USP46: variants seen among roughly 807,000 people sequenced by gnomAD.
USP46 encodes ubiquitin carboxyl-terminal hydrolase 46.
USP46 carries 12 observed loss-of-function variants against 44.4 expected under a neutral mutation model. The ratio of observed to expected loss-of-function variants is 0.27; its 90% CI spans 0.17 to 0.44. USP46 has a LOEUF of 0.44. USP46 is among the 20% of genes least tolerant of loss of function. USP46 has a pLI of 1.00. For synonymous variants in USP46, 155 were observed against 161.5 expected (o/e 0.96, Z 0.31); for missense variants, 248 against 444.8 (o/e 0.56, Z 3.98).
intron 7 of USP46, among the ~76,000 whole-genome samples, chr4:52,599,658 T>G (rs1443847619): frequency 6.6e-6 from 1 of 152,174 alleles, no homozygotes; most frequent in Non-Finnish European, 1.5e-5. Context: ...TACTATGTAG[T>G]TAGGTTAGAT....
At chr4:52,622,899 G>C (rs565182853) in intron 4 of USP46, among the ~76,000 whole-genome samples, 2 of 152,374 alleles carry the variant, frequency 1.3e-5, no homozygotes, top group East Asian at 3.9e-4. Flanking sequence ...GCTAGAGTAA[G>C]AAACAGAATG....
Position 52,659,238 on chromosome 4 carries a change from G to A in USP46, c.-88C>T, listed in dbSNP as rs1719082529. On this transcript the variant is annotated 5_prime_UTR_variant, in exon 1 of 9. Coordinates refer to ENST00000441222, the MANE Select transcript of USP46 (RefSeq NM_022832.4). This position sits in a 1 kb window ranked among gnomAD's most constrained non-coding sequence, Gnocchi z 4.2. ...TGGTGGCGCGCTGGCGGGGAGGCCG[G>A]GCGGCAGCGCGGCGGCCTGGGGTCC... 7.0e-7 allele frequency: 1 copy of A among 1,427,050 alleles called. No individual in the cohort carries two copies. 88.4% of individuals were successfully genotyped at this position (1,427,050 alleles called of 1,614,324 possible). A position where few individuals can be genotyped will look rare whatever the true frequency, so the allele number is the denominator to read the frequency against.
chr4:52,628,886 A>G (rs549634429), intron 2 of USP46, among the ~76,000 whole-genome samples: 97 of 152,350 alleles, frequency 6.4e-4, no homozygotes, highest in African/African-American at 2.2e-3. Flanking sequence ...ATTAGGGCCC[A>G]CCCAGTAACA....
At chr4:52,614,436 G>C (rs964487087) in intron 4 of USP46, among the ~76,000 whole-genome samples, 2 of 152,136 alleles carry the variant, frequency 1.3e-5, no homozygotes, top group South Asian at 2.1e-4. Flanking sequence ...CAAAGAAAAG[G>C]ACAATAGGAT....
intron 4 of USP46, among the ~76,000 whole-genome samples, chr4:52,619,597 G>C (rs1717302049): frequency 6.6e-6 from 1 of 152,178 alleles, no homozygotes; most frequent in Non-Finnish European, 1.5e-5. Context: ...TTTCCCATTT[G>C]GTCTTCTTGC....
Position 52,630,064 on chromosome 4 carries a change from GT to G in USP46, c.117+999del, listed in dbSNP as rs1036639543. On this transcript the variant is annotated intron_variant, in intron 2 of 8. Coordinates refer to ENST00000441222, the MANE Select transcript of USP46 (RefSeq NM_022832.4). ...AGCATAATTATTCAGAAAACCAATTGTTTTTGAGTTAATATTTGATGTCACT... is the reference window on the plus strand; with the variant it reads ...AGCATAATTATTCAGAAAACCAATTGTTTTGAGTTAATATTTGATGTCACT... 5.1e-4 allele frequency among the ~76,000 whole-genome samples: 77 copies of G among 152,178 alleles called. 1 individual carries two copies. The highest frequency in any genetic ancestry group is 3.9e-4 in the Admixed American group (6 of 15,272).
chr4:52,603,678 T>A (rs1716565718), intron 6 of USP46, among the ~76,000 whole-genome samples: 1 of 152,114 alleles, frequency 6.6e-6, no homozygotes. Context: ...TCTTATCACC[T>A]GTTCTTTTTC....
chr4:52,658,471 A>T (rs986234744), intron 1 of USP46, among the ~76,000 whole-genome samples: 1 of 152,062 alleles, frequency 6.6e-6, no homozygotes, highest in Non-Finnish European at 1.5e-5. Context: ...CCCCACCCTT[A>T]GGGCCTGCAA....
At chr4:52,620,877 C>T (rs1276413970) in intron 4 of USP46, among the ~76,000 whole-genome samples, 1 of 152,196 alleles carries the variant, frequency 6.6e-6, no homozygotes, top group Non-Finnish European at 1.5e-5. Context: ...AAATATCCAA[C>T]AACAGTAAAA....
intron 1 of USP46, among the ~76,000 whole-genome samples, chr4:52,641,334 A>G (rs575310481): frequency 3.3e-5 from 5 of 152,304 alleles, no homozygotes; most frequent in Admixed American, 2.6e-4. Flanking sequence ...TAAAAATAGC[A>G]TCTGAGCTGG....
chr4:52,646,539 G>A (rs918779635), intron 1 of USP46, among the ~76,000 whole-genome samples: 19 of 152,202 alleles, frequency 1.2e-4, no homozygotes, highest in African/African-American at 4.1e-4. Context: ...TGAATGGATA[G>A]AGTAATTTTG....
rs1476729519 is a variant in USP46 at position 52,596,273 on chromosome 4, T to G, written c.*1367A>C. 1.3e-5 allele frequency: 2 copies of G among 152,660 alleles called. No individual in the cohort carries two copies. Among genetic ancestry groups the G allele is most frequent in the Admixed American group, 6.5e-5 (1 of 15,282 alleles). 9.5% of individuals were successfully genotyped at this position (152,660 alleles called of 1,614,324 possible). On this transcript the variant is annotated 3_prime_UTR_variant, in exon 9 of 9. Transcript: ENST00000441222. ...TTAGGTAACAAAAATATGTTCACAG[T>G]TTATTATAGTGTATGGAAGTTAAGT...
At position 52,659,235 on chromosome 4, in the gene USP46, CCGGGCGGCAGCG is replaced by C; in HGVS notation, c.-97_-86del. 1 of 1,417,132 alleles carries C rather than the reference CCGGGCGGCAGCG, an allele frequency of 7.1e-7. No individual in the cohort carries two copies. Among genetic ancestry groups the C allele is most frequent in the Admixed American group, 2.6e-5 (1 of 38,228 alleles). The allele number at this position is 1,417,132 out of a possible 1,614,324, so 87.8% of individuals were successfully genotyped here. A position where few individuals can be genotyped will look rare whatever the true frequency, so the allele number is the denominator to read the frequency against. Reference sequence around the variant, plus strand: ...CCATGGTGGCGCGCTGGCGGGGAGGCCGGGCGGCAGCGCGGCGGCCTGGGGTCCGGCTTTCAG... The same window carrying C: ...CCATGGTGGCGCGCTGGCGGGGAGGCCGGCGGCCTGGGGTCCGGCTTTCAG... On this transcript the variant is annotated 5_prime_UTR_variant, in exon 1 of 9. Coordinates refer to ENST00000441222, the MANE Select transcript of USP46 (RefSeq NM_022832.4). The surrounding 1 kb of genome is among the most constrained non-coding windows in gnomAD (Gnocchi z 4.2).
chr4:52,632,914 G>GAA (rs1380043703), intron 1 of USP46, among the ~76,000 whole-genome samples: 61 of 81,188 alleles, frequency 7.5e-4, no homozygotes, highest in African/African-American at 2.8e-3. Flanking sequence ...GAGAAAGAAA[G>GAA]AAAGAGAAAG....
intron 5 of USP46, among the ~76,000 whole-genome samples, chr4:52,609,673 G>A (rs1045513182): frequency 6.6e-6 from 1 of 152,064 alleles, no homozygotes; most frequent in Non-Finnish European, 1.5e-5. Flanking sequence ...TAGGTGTGAT[G>A]TAAAACAGGG....
chr4:52,632,627 G>A (rs1405890824), intron 1 of USP46, among the ~76,000 whole-genome samples: 1 of 152,048 alleles, frequency 6.6e-6, no homozygotes, highest in Non-Finnish European at 1.5e-5. Flanking sequence ...TTCGAGACCA[G>A]CCTGGGCAAC....
intron 2 of USP46, chr4:52,629,762 G>A (rs185609921): frequency 1.5e-4 from 67 of 456,020 alleles, no homozygotes; most frequent in African/African-American, 5.8e-4. Flanking sequence ...TTAAATAGGC[G>A]CTCTCATTTA....
At position 52,609,898 on chromosome 4, in the gene USP46, C is replaced by CTTTTTTTTTTTTTTTT. The variant is rs66817554; in HGVS notation, c.638+627_638+642dup. Among the ~76,000 whole-genome samples, 10 of 24,588 alleles carry CTTTTTTTTTTTTTTTT rather than the reference C, an allele frequency of 4.1e-4. 3 individuals carry two copies. Among genetic ancestry groups the CTTTTTTTTTTTTTTTT allele is most frequent in the Non-Finnish European group, 6.6e-4 (8 of 12,206 alleles). The allele number at this position is 24,588 out of a possible 152,430, so 16.1% of individuals were successfully genotyped here. ...GGAAACCTAAACCTCAATTCTATTT[C>CTTTTTTTTTTTTTTTT]TTTTTTTTTTTTTTTTTTTTTTTTT... On this transcript the variant is annotated intron_variant, in intron 5 of 8. Transcript: ENST00000441222.
At chr4:52,614,796 A>T (rs1174046002) in intron 4 of USP46, among the ~76,000 whole-genome samples, 1 of 152,226 alleles carries the variant, frequency 6.6e-6, no homozygotes, top group Non-Finnish European at 1.5e-5. Context: ...AAGGCATAAC[A>T]CTGTCCTGTG....
Sources: gnomAD v4.1 joint callset for allele counts (sites outside exome capture counted in the v4.1 genomes callset) on GRCh38, gnomAD v4.1.1 for gene constraint, Gnocchi (gnomAD v3.1) non-coding constraint, MANE v1.5 for transcripts, NCBI Gene and HGNC (gene_info 2026-07-23, HGNC 2026-07-21) for gene names.